PRF1: variants seen among roughly 807,000 people sequenced by gnomAD.
The protein encoded by PRF1 is perforin-1.
Under a neutral mutation model 11.7 loss-of-function variants are expected in PRF1, and 11 were observed. The ratio of observed to expected loss-of-function variants is 0.94; its 90% CI spans 0.59 to 1.56. PRF1 has a LOEUF of 1.56. Among genes scored for constraint, PRF1 ranks in the 40% most tolerant of loss-of-function variants. PRF1 has a pLI of 0.00. For missense variants in PRF1, 729 were observed against 751.0 expected, an observed-to-expected ratio of 0.97 and a Z score of 0.34; for synonymous variants, 314 against 327.8, an observed-to-expected ratio of 0.96 and a Z score of 0.45.
chr10:70,597,982 A>C lies in PRF1; in HGVS notation c.*71T>G. Reference sequence around the variant, plus strand: ...CAAGCTTGGTCTAATGGGAATACGAAGACAGCCCTGGCTCCCACTGTGAGA... The same window carrying C: ...CAAGCTTGGTCTAATGGGAATACGACGACAGCCCTGGCTCCCACTGTGAGA... On this transcript the variant is annotated 3_prime_UTR_variant, in exon 3 of 3. Transcript: ENST00000441259. 6.3e-7 allele frequency: 1 copy of C among 1,584,164 alleles called. No homozygotes were observed. The highest frequency in any genetic ancestry group is 8.6e-7 in the Non-Finnish European group (1 of 1,166,852).
Position 70,598,731 on chromosome 10 carries a change from G to A in PRF1, c.990C>T (p.Asn330=), listed in dbSNP as rs368769599. ...AGPEQYSAWV[N]SLPGSPGLVD... ...CCAGGCCAGGGCTGCCGGGCAGCGA[G>A]TTTACCCAGGCTGAGTACTGCTCGG... is the stretch of plus-strand genomic sequence containing the variant. Residue 330 remains asparagine (N), a synonymous_variant, in exon 3 of 3, where the codon AAC becomes AAT. Transcript: ENST00000441259. 91 of 1,614,138 alleles carry A rather than the reference G, an allele frequency of 5.6e-5. No individual in the cohort carries two copies. The highest frequency in any genetic ancestry group is 7.4e-5 in the Non-Finnish European group (87 of 1,180,060).
At position 70,598,826 on chromosome 10, in the gene PRF1, G is replaced by A. The variant is rs902124045; in HGVS notation, c.895C>T (p.Arg299Cys). Reference protein sequence around the residue: ...TASFHQTYRERHSEVVGGHHT... With the variant: ...TASFHQTYRECHSEVVGGHHT... Reference sequence around the variant, plus strand: ...TGGCCGCCAACCACTTCCGAGTGGCGCTCCCGGTAGGTTTGGTGGAAGGAG... The same window carrying A: ...TGGCCGCCAACCACTTCCGAGTGGCACTCCCGGTAGGTTTGGTGGAAGGAG... Residue 299 changes from arginine to cysteine, a missense_variant, in exon 3 of 3, where the codon CGC (arginine) becomes TGC (cysteine). Physicochemically the swap from Arg to Cys is radical, Grantham distance 180 (BLOSUM62 -3). Transcript: ENST00000441259. 3.7e-6 allele frequency: 6 copies of A among 1,614,238 alleles called. No homozygotes were observed. The highest frequency in any genetic ancestry group is 2.7e-5 in the African/African-American group (2 of 75,064).
In PRF1 at chr10:70,598,298, C is replaced by T; in HGVS notation, c.1423G>A (p.Gly475Arg). Reference protein sequence around the residue: ...LDFGDVLLATGGPLRLQVWDQ... With the variant: ...LDFGDVLLATRGPLRLQVWDQ... ...CAGACCTGCAACCTCAGGGGCCCCC[C>T]TGTGGCCAGGAGCACATCCCCAAAA... Residue 475 changes from glycine to arginine, a missense_variant, in exon 3 of 3, where the codon GGG (glycine) becomes AGG (arginine). By Grantham distance (125) the Gly-to-Arg change is moderately radical. Coordinates refer to ENST00000441259, the MANE Select transcript of PRF1 (RefSeq NM_001083116.3). 1 of 1,614,228 alleles carries T rather than the reference C, an allele frequency of 6.2e-7. No individual in the cohort carries two copies.
chr10:70,598,617 C>A lies in PRF1; in HGVS notation c.1104G>T (p.Leu368=). ...AGTCCCTCCAGCGAGCCCTGTCCGT[C>A]AGGTACTGACTCAGGGCCCTCCTCA... ...EALRRALSQY[L]TDRARWRDCS... The change falls in exon 3 of 3, where the codon CTG becomes CTT. Residue 368 remains leucine, a synonymous_variant. Transcript: ENST00000441259. 1 of 1,612,988 alleles carries A rather than the reference C, an allele frequency of 6.2e-7. No individual in the cohort carries two copies. Among genetic ancestry groups the A allele is most frequent in the Non-Finnish European group, 8.5e-7 (1 of 1,179,896 alleles).
At chr10:70,599,326 C>A in intron 2 of PRF1, 145 bp from the exon 3 acceptor site, 6 of 1,045,144 alleles carry the variant, frequency 5.7e-6, no homozygotes, top group Non-Finnish European at 8.5e-6. Context: ...AGCACAAGCA[C>A]AGTGGCACGG....
chr10:70,599,096 G>C lies in PRF1; in HGVS notation c.625C>G (p.Gln209Glu). Reference sequence around the variant, plus strand: ...GAGATAAGCCTGAGGTAGGCGGGCTGGGTGGAGGCGTTGAAGTGGTGGGGC... The same window carrying C: ...GAGATAAGCCTGAGGTAGGCGGGCTCGGTGGAGGCGTTGAAGTGGTGGGGC... ...DLPHHFNAST[Q>E]PAYLRLISNY... Residue 209 changes from glutamine to glutamate, a missense_variant, in exon 3 of 3, where the codon CAG (glutamine) becomes GAG (glutamate). Coordinates refer to ENST00000441259, the MANE Select transcript of PRF1 (RefSeq NM_001083116.3). 1 of 1,614,108 alleles carries C rather than the reference G, an allele frequency of 6.2e-7. No homozygotes were observed. The highest frequency in any genetic ancestry group is 8.5e-7 in the Non-Finnish European group (1 of 1,179,994).
At position 70,599,147 on chromosome 10, in the gene PRF1, C is replaced by T. The variant is rs1370151090; in HGVS notation, c.574G>A (p.Asp192Asn). ...HVVHTPPLHP[D>N]FKRALGDLPH... ...AGGTCCCCGAGGGCCCTCTTGAAGT[C>T]AGGGTGCAGCGGGGGAGTGTGTACC... Residue 192 changes from aspartate (D) to asparagine (N), a missense_variant, in exon 3 of 3, where the codon GAC becomes AAC. Asp to Asn is a conservative substitution (Grantham distance 23). Transcript: ENST00000441259. 4 of 1,614,166 alleles carry T rather than the reference C, an allele frequency of 2.5e-6. No individual in the cohort carries two copies. Among genetic ancestry groups the T allele is most frequent in the Non-Finnish European group, 3.4e-6 (4 of 1,180,030 alleles).
intron 1 of PRF1, among the ~76,000 whole-genome samples, chr10:70,601,568 C>G (rs1156635888): frequency 6.6e-6 from 1 of 152,024 alleles, no homozygotes; most frequent in Non-Finnish European, 1.5e-5. Context: ...GTGGCTCACA[C>G]CTGTAAACCG....
rs1299840231 is a variant in PRF1 at position 70,597,459 on chromosome 10, G to C, written c.*594C>G. ...CAAAGCATTGTGGGCAAAGAAGACA[G>C]AGCAGCTGGAGCTGATGGGGCTCCA... is the stretch of plus-strand genomic sequence containing the variant. On this transcript the variant is annotated 3_prime_UTR_variant, in exon 3 of 3. Transcript: ENST00000441259. 2 of 387,870 alleles carry C rather than the reference G, an allele frequency of 5.2e-6. No individual in the cohort carries two copies. Among genetic ancestry groups the C allele is most frequent in the Non-Finnish European group, 9.1e-6 (2 of 218,850 alleles). 24.0% of individuals were successfully genotyped at this position (387,870 alleles called of 1,614,324 possible). A position where few individuals can be genotyped will look rare whatever the true frequency, so the allele number is the denominator to read the frequency against.
In PRF1 at chr10:70,600,336, GC is replaced by G; in HGVS notation, c.539+27del. 1 of 1,613,378 alleles carries G rather than the reference GC, an allele frequency of 6.2e-7. No individual in the cohort carries two copies. Among genetic ancestry groups the G allele is most frequent in the Non-Finnish European group, 8.5e-7 (1 of 1,179,878 alleles). On this transcript the variant is annotated intron_variant, in intron 2 of 2. Transcript: ENST00000441259. The surrounding 1 kb of genome is among the most constrained non-coding windows in gnomAD (Gnocchi z 4.9). ...CCCAGAGTTTCCCGCGCCTTTTCCA[GC>G]CCCCCACCCCTAGCCCCAGCTCTCA...
At chr10:70,602,384 T>C (rs1419340238) in intron 1 of PRF1, among the ~76,000 whole-genome samples, 1 of 152,102 alleles carries the variant, frequency 6.6e-6, no homozygotes, top group Non-Finnish European at 1.5e-5. Flanking sequence ...CATGGTATTC[T>C]GTCCCAGGGA....
In PRF1 at chr10:70,599,153, G is replaced by A. The variant is rs1295440310; in HGVS notation, c.568C>T (p.His190Tyr). ...SFHVVHTPPL[H>Y]PDFKRALGDL... ...CCGAGGGCCCTCTTGAAGTCAGGGT[G>A]CAGCGGGGGAGTGTGTACCACATGG... The change falls in exon 3 of 3, where the codon CAC becomes TAC. Residue 190 changes from histidine (H) to tyrosine (Y), a missense_variant. By Grantham distance (83) the His-to-Tyr change is moderately conservative (BLOSUM62 2). Coordinates refer to ENST00000441259, the MANE Select transcript of PRF1 (RefSeq NM_001083116.3). The A allele has an allele frequency of 1.9e-6, 3 of 1,614,196 alleles. No individual in the cohort carries two copies. The highest frequency in any genetic ancestry group is 1.7e-6 in the Non-Finnish European group (2 of 1,180,034).
Position 70,600,019 on chromosome 10 carries a change from C to T in PRF1, c.539+345G>A, listed in dbSNP as rs924184311. Among the ~76,000 whole-genome samples the T allele has an allele frequency of 1.4e-4, 22 of 152,352 alleles. No individual in the cohort carries two copies. Among genetic ancestry groups the T allele is most frequent in the Non-Finnish European group, 1.5e-4 (10 of 68,040 alleles). On this transcript the variant is annotated intron_variant, in intron 2 of 2. Transcript: ENST00000441259. This position sits in a 1 kb window ranked among gnomAD's most constrained non-coding sequence, Gnocchi z 4.9. ...GATGACCCGGCCAGGTCTCCTGCCT[C>T]TGTCCCTATCCAGGAAGGACTCTGT... is the stretch of plus-strand genomic sequence containing the variant.
intron 2 of PRF1, among the ~76,000 whole-genome samples, chr10:70,599,503 A>G (rs1032135766): frequency 6.6e-6 from 1 of 152,110 alleles, no homozygotes; most frequent in Non-Finnish European, 1.5e-5. Context: ...TAACCCCAGC[A>G]CTTTGGGAGG....
In PRF1 at chr10:70,599,144, A is replaced by G. The variant is rs1848183403; in HGVS notation, c.577T>C (p.Phe193Leu). 1 of 1,614,058 alleles carries G rather than the reference A, an allele frequency of 6.2e-7. No homozygotes were observed. Among genetic ancestry groups the G allele is most frequent in the Non-Finnish European group, 8.5e-7 (1 of 1,180,028 alleles). The change falls in exon 3 of 3, where the codon TTC becomes CTC. Residue 193 changes from phenylalanine to leucine, a missense_variant. Physicochemically the swap from Phe to Leu is conservative, Grantham distance 22. Transcript: ENST00000441259. The part of the protein sequence containing the change: ...VVHTPPLHPD[F>L]KRALGDLPHH... ...GGCAGGTCCCCGAGGGCCCTCTTGA[A>G]GTCAGGGTGCAGCGGGGGAGTGTGT...
At chr10:70,601,840 A>AAAAAAGAGAAAGAAAAAAAAG (rs1564725892) in intron 1 of PRF1, among the ~76,000 whole-genome samples, 4 of 97,760 alleles carry the variant, frequency 4.1e-5, no homozygotes, top group Admixed American at 3.9e-4. Context: ...AAAAAAAAAA[A>AAAAAAGAGAAAGAAAAAAAAG]AAAAAGGGGC....
rs1394352476 is a variant in PRF1 at position 70,598,812 on chromosome 10, C to A, written c.909G>T (p.Val303=). Residue 303 remains valine (V), a synonymous_variant, in exon 3 of 3, where the codon GTG becomes GTT. Transcript: ENST00000441259. Reference sequence around the variant, plus strand: ...TAATGGAGGTGTGATGGCCGCCAACCACTTCCGAGTGGCGCTCCCGGTAGG... The same window carrying A: ...TAATGGAGGTGTGATGGCCGCCAACAACTTCCGAGTGGCGCTCCCGGTAGG... The part of the protein sequence containing the change: ...HQTYRERHSE[V]VGGHHTSIND... The A allele has an allele frequency of 1.2e-6, 2 of 1,614,248 alleles. No homozygotes were observed. The highest frequency in any genetic ancestry group is 2.2e-5 in the South Asian group (2 of 91,084).
Position 70,600,928 on chromosome 10 carries a change from G to T in PRF1, c.-26C>A. Reference sequence around the variant, plus strand: ...GGAGCTGCAGAGACAGGGGGCACTTGGGCTCTGGGAAGCCATGGGTGGAGG... The same window carrying T: ...GGAGCTGCAGAGACAGGGGGCACTTTGGCTCTGGGAAGCCATGGGTGGAGG... On this transcript the variant is annotated 5_prime_UTR_variant, in exon 2 of 3. Coordinates refer to ENST00000441259, the MANE Select transcript of PRF1 (RefSeq NM_001083116.3). The surrounding 1 kb of genome is among the most constrained non-coding windows in gnomAD (Gnocchi z 4.9). 1 of 1,561,036 alleles carries T rather than the reference G, an allele frequency of 6.4e-7. No individual in the cohort carries two copies.
In PRF1 at chr10:70,600,089, A is replaced by G. The variant is rs1423630711; in HGVS notation, c.539+275T>C. ...GGAAAGGCAGGGTTCAGTACTCACT[A>G]GACCTAAATGGCACCCTGCTGGGAC... On this transcript the variant is annotated intron_variant, in intron 2 of 2. Coordinates refer to ENST00000441259, the MANE Select transcript of PRF1 (RefSeq NM_001083116.3). This position sits in a 1 kb window ranked among gnomAD's most constrained non-coding sequence, Gnocchi z 4.9. Among the ~76,000 whole-genome samples, 2 of 152,206 alleles carry G rather than the reference A, an allele frequency of 1.3e-5. No homozygotes were observed. The highest frequency in any genetic ancestry group is 4.8e-5 in the African/African-American group (2 of 41,462).
Sources: allele counts gnomAD v4.1 joint callset (sites outside exome capture counted in the v4.1 genomes callset), GRCh38; gene constraint gnomAD v4.1.1; non-coding constraint Gnocchi (gnomAD v3.1); transcripts MANE v1.5; gene names NCBI Gene and HGNC (gene_info 2026-07-23, HGNC 2026-07-21).